Variants in PIGG observed in about 807,000 individuals in gnomAD.
PIGG encodes the protein phosphatidylinositol glycan anchor biosynthesis class G (EMM blood group).
A neutral mutation model predicts 83.2 loss-of-function variants in PIGG; 70 were observed. That is an observed-to-expected ratio of 0.84 (90% CI 0.69 to 1.03). The LOEUF is 1.03. Ranked by LOEUF, PIGG falls within the 50% of genes least tolerant of loss-of-function variation. The pLI, the probability that PIGG is intolerant of heterozygous loss-of-function variation, is 0.00. For synonymous variants in PIGG, 532 were observed against 519.5 expected (o/e 1.02, Z -0.33); for missense variants, 1,257 against 1,233.6 (o/e 1.02, Z -0.28).
chr4:513,453 A>G (rs1166653506), intron 5 of PIGG, among the ~76,000 whole-genome samples: 1 of 152,170 alleles, frequency 6.6e-6, no homozygotes, highest in Non-Finnish European at 1.5e-5. Flanking sequence ...CTGTGTGGGC[A>G]GTACAGGTCT....
intron 12 of PIGG, among the ~76,000 whole-genome samples, chr4:538,660 C>T (rs180988750): frequency 9.2e-5 from 14 of 152,274 alleles, no homozygotes; most frequent in Admixed American, 6.5e-4. Context: ...CGGGCACCTC[C>T]GTGCCTTCTG....
At chr4:507,167 T>A (rs782193268) in intron 3 of PIGG, among the ~76,000 whole-genome samples, 2 of 152,228 alleles carry the variant, frequency 1.3e-5, no homozygotes, top group Non-Finnish European at 2.9e-5. Flanking sequence ...CCTGAACTCT[T>A]GGCCTCAAGC....
chr4:536,503 CTG>C (rs1730649396), intron 12 of PIGG, among the ~76,000 whole-genome samples: 1 of 152,268 alleles, frequency 6.6e-6, no homozygotes, highest in Non-Finnish European at 1.5e-5. Context: ...GAGACACCCA[CTG>C]TGGCGGCGCT....
At chr4:534,019 C>T (rs1729749739) in intron 12 of PIGG, 38 bp downstream of exon 12, 1 of 1,595,362 alleles carries the variant, frequency 6.3e-7, no homozygotes, top group Non-Finnish European at 8.6e-7. Context: ...GTTCTGGGGG[C>T]CGGCTGCCTG....
intron 2 of PIGG, chr4:501,563 A>G (rs1717747474): frequency 6.2e-6 from 1 of 162,384 alleles, no homozygotes; most frequent in Non-Finnish European, 1.3e-5. Context: ...TTTGGTGAGA[A>G]GGAGCTACTT....
intron 4 of PIGG, 132 bp downstream of exon 4, chr4:507,725 A>G (rs549786483): frequency 2.7e-6 from 2 of 749,274 alleles, no homozygotes; most frequent in African/African-American, 1.8e-5. Flanking sequence ...CAGGGGCCGC[A>G]TGCCACACGG....
chr4:527,906 CT>C, intron 10 of PIGG: 1 of 985,262 alleles, frequency 1.0e-6, no homozygotes, highest in Non-Finnish European at 1.2e-6. Context: ...ATTTAAATAG[CT>C]GTTTCCATTT....
chr4:506,768 T>A (rs1423978530), intron 3 of PIGG: 2 of 456,138 alleles, frequency 4.4e-6, no homozygotes, highest in Admixed American at 2.3e-5. Flanking sequence ...CAGAAATCAA[T>A]GTGATCATTG....
chr4:536,873 G>A (rs1268961040), intron 12 of PIGG: 1 of 152,300 alleles, frequency 6.6e-6, no homozygotes, highest in Admixed American at 6.5e-5. Flanking sequence ...ACGGAGGGCT[G>A]GAAGTACTTG....
At chr4:534,474 C>G (rs767571922) in intron 12 of PIGG, among the ~76,000 whole-genome samples, 3 of 152,200 alleles carry the variant, frequency 2.0e-5, no homozygotes, top group African/African-American at 7.2e-5. Context: ...CCTTGAGTAG[C>G]TAGGGGCATG....
At chr4:516,271 A>G (rs1424385196) in intron 6 of PIGG, 86 bp downstream of exon 6, 22 of 835,618 alleles carry the variant, frequency 2.6e-5, no homozygotes, top group Middle Eastern at 3.0e-4. Context: ...TGTGGTATGC[A>G]GTTTGTCACA....
intron 9 of PIGG, chr4:525,381 T>A: frequency 1.0e-6 from 1 of 984,956 alleles, no homozygotes; most frequent in Non-Finnish European, 1.2e-6. Context: ...AGCAGCACAA[T>A]GAGAGCATCT....
rs1306580620 is a variant in PIGG, at chr4:521,966, T to G, written c.1614+25T>G. Reference sequence around the variant, plus strand: ...GGTACGTACGGCTGGTTCCTGGGAGTGTGACGTAGTCCTTCTGCTCAGGTT... The same window carrying G: ...GGTACGTACGGCTGGTTCCTGGGAGGGTGACGTAGTCCTTCTGCTCAGGTT... On this transcript the variant is annotated intron_variant, in intron 8 of 12. Transcript: ENST00000453061. The G allele has an allele frequency of 2.5e-6, 4 of 1,611,006 alleles. No individual in the cohort carries two copies. In the Admixed American group the frequency reaches 6.7e-5, roughly 27 times the overall value.
Position 528,480 on chromosome 4 carries a change from A to T in PIGG, c.2261+1250A>T. ...GTACTTCCTGGCTGAGTGGGGAGTA[A>T]GGGGTGGGAGTTAGGGTGACCTGAG... On this transcript the variant is annotated intron_variant, in intron 10 of 12. Coordinates refer to ENST00000453061, the MANE Select transcript of PIGG (RefSeq NM_001127178.3). The surrounding 1 kb of genome is among the most constrained non-coding windows in gnomAD (Gnocchi z 4.8). The T allele has an allele frequency of 1.0e-6, 1 of 985,156 alleles. No homozygotes were observed. Among genetic ancestry groups the T allele is most frequent in the Non-Finnish European group, 1.2e-6 (1 of 829,872 alleles). 61.0% of individuals were successfully genotyped at this position (985,156 alleles called of 1,614,324 possible).
intron 9 of PIGG, chr4:525,544 G>A (rs1727339608): frequency 5.8e-6 from 1 of 172,498 alleles, no homozygotes; most frequent in Non-Finnish European, 1.2e-5. Context: ...CTGAGGCAGA[G>A]AAGCAGAATT....
At chr4:517,913 G>A (rs1168045118) in intron 6 of PIGG, among the ~76,000 whole-genome samples, 5 of 152,208 alleles carry the variant, frequency 3.3e-5, no homozygotes, top group Non-Finnish European at 7.3e-5. Context: ...GGAGGAAGTC[G>A]ACTCCTATTT....
rs928634951 is a variant in PIGG, at chr4:499,655, T to G, written c.154+166T>G. 106 of 1,417,586 alleles carry G rather than the reference T, an allele frequency of 7.5e-5. No individual in the cohort carries two copies. In the East Asian group the frequency reaches 2.7e-3, roughly 37 times the overall value. The allele number at this position is 1,417,586 out of a possible 1,614,324, so 87.8% of individuals were successfully genotyped here. On this transcript the variant is annotated intron_variant, in intron 1 of 12. Coordinates refer to ENST00000453061, the MANE Select transcript of PIGG (RefSeq NM_001127178.3). ...TTTAACCGCTCCAGCGTCTCTTTTC[T>G]GTATTCTTACAACTTTGTGGCAACC...
Position 539,222 on chromosome 4 carries a change from C to A in PIGG, c.2805C>A (p.Ile935=), listed in dbSNP as rs267600179. The A allele has an allele frequency of 1.9e-6, 3 of 1,612,950 alleles. No individual in the cohort carries two copies. The highest frequency in any genetic ancestry group is 1.7e-4 in the Middle Eastern group (1 of 6,052). The change falls in exon 13 of 13, where the codon ATC becomes ATA. Residue 935 remains isoleucine, a synonymous_variant. Transcript: ENST00000453061. ...GTTCTATTCCAGTTTTCACGTACAT[C>A]GTTTTGGTGACATCTCTGCGTTATC... ...LICSIPVFTY[I]VLVTSLRYHL...
rs1205574128 is a variant in PIGG at position 523,756 on chromosome 4, G to A, written c.1912G>A (p.Gly638Arg). 4.3e-6 allele frequency: 7 copies of A among 1,614,072 alleles called. No homozygotes were observed. Among genetic ancestry groups the A allele is most frequent in the East Asian group, 4.5e-5 (2 of 44,888 alleles). The change falls in exon 9 of 13, where the codon GGA (glycine) becomes AGA (arginine). Residue 638 changes from glycine to arginine, a missense_variant. Physicochemically the swap from Gly to Arg is moderately radical, Grantham distance 125. Transcript: ENST00000453061. ...TGTCCTGGAGCGAGACAAAGGCCAC[G>A]GAAGCCCCTCTACCTCCGAAGTGCT... Reference protein sequence around the residue: ...CDVLERDKGHGSPSTSEVLRG... With the variant: ...CDVLERDKGHRSPSTSEVLRG...
Sources: allele counts gnomAD v4.1 joint callset (sites outside exome capture counted in the v4.1 genomes callset), GRCh38; gene constraint gnomAD v4.1.1; non-coding constraint Gnocchi (gnomAD v3.1); transcripts MANE v1.5; gene names NCBI Gene and HGNC (gene_info 2026-07-23, HGNC 2026-07-21).